The following WDR41 variants were observed in gnomAD, a reference collection of about 807,000 sequenced individuals.
The protein encoded by WDR41 is WD repeat-containing protein 41.
WDR41 carries 63 observed loss-of-function variants against 69.3 expected under a neutral mutation model. The observed-to-expected ratio is 0.91, with a 90% CI of 0.74 to 1.12. The LOEUF (loss-of-function observed/expected upper bound fraction) is 1.12. Ranked by LOEUF, WDR41 falls within the 50% of genes most tolerant of loss-of-function variation. WDR41 has a pLI of 0.00. For missense variants in WDR41, 543 were observed against 534.5 expected, an observed-to-expected ratio of 1.02 and a Z score of -0.16; for synonymous variants, 185 against 192.1, an observed-to-expected ratio of 0.96 and a Z score of 0.31.
At chr5:77,497,020 G>A (rs1316361926), upstream of WDR41, among the ~76,000 whole-genome samples, 1 of 152,092 alleles carries the variant, frequency 6.6e-6, no homozygotes, top group East Asian at 1.9e-4. Context: ...TCAACAATTG[G>A]TACTAGGAAA....
intron 1 of WDR41, among the ~76,000 whole-genome samples, chr5:77,519,196 C>T (rs904691585): frequency 6.6e-6 from 1 of 151,842 alleles, no homozygotes; most frequent in African/African-American, 2.4e-5. Flanking sequence ...TATTTATATT[C>T]AGTAAAATAA....
intron 1 of WDR41, among the ~76,000 whole-genome samples, chr5:77,515,240 GA>G (rs1233772812): frequency 2.0e-5 from 3 of 151,748 alleles, no homozygotes; most frequent in African/African-American, 7.3e-5. Flanking sequence ...TCTATTTTTA[GA>G]GTTTTCTATT....
intron 1 of WDR41, among the ~76,000 whole-genome samples, chr5:77,505,707 G>T (rs915071771): frequency 5.9e-5 from 9 of 152,208 alleles, no homozygotes; most frequent in African/African-American, 2.2e-4. Flanking sequence ...CAATGGAACA[G>T]AACAGAGACC....
At chr5:77,474,636 GTAT>G (rs1289164853) in intron 2 of WDR41, among the ~76,000 whole-genome samples, 1 of 152,158 alleles carries the variant, frequency 6.6e-6, no homozygotes, top group Non-Finnish European at 1.5e-5. Flanking sequence ...AAAAAAGAAT[GTAT>G]TATATTAACA....
chr5:77,451,355 T>A lies in WDR41; in HGVS notation c.524-2A>T. 6.2e-7 allele frequency: 1 copy of A among 1,612,082 alleles called. No homozygotes were observed. The highest frequency in any genetic ancestry group is 8.5e-7 in the Non-Finnish European group (1 of 1,179,130). ...GTATTTCAACCAAAGCACTAATACCTCCAAAAACATATAAAACAAAGTTCA... is the reference window on the plus strand; with the variant it reads ...GTATTTCAACCAAAGCACTAATACCACCAAAAACATATAAAACAAAGTTCA... On this transcript the variant is annotated splice_acceptor_variant, in intron 6 of 12. Coordinates refer to ENST00000296679, the MANE Select transcript of WDR41 (RefSeq NM_018268.4). LOFTEE classifies it high-confidence loss of function.
At chr5:77,532,761 T>C (rs983842959) in intron 1 of WDR41, among the ~76,000 whole-genome samples, 3 of 152,102 alleles carry the variant, frequency 2.0e-5, no homozygotes, top group Non-Finnish European at 4.4e-5. Flanking sequence ...AGTAAATATT[T>C]TAAAAATTAT....
intron 2 of WDR41, among the ~76,000 whole-genome samples, chr5:77,485,945 A>C (rs539862195): frequency 6.6e-6 from 1 of 152,298 alleles, no homozygotes; most frequent in South Asian, 2.1e-4. Flanking sequence ...ATAACAGCTG[A>C]CCAAAAAAAA....
intron 1 of WDR41, among the ~76,000 whole-genome samples, chr5:77,508,776 A>AGTTTTTTTGTTG (rs1554033924): frequency 6.6e-6 from 1 of 150,890 alleles, no homozygotes; most frequent in Non-Finnish European, 1.5e-5. Context: ...GCTTTGCTAA[A>AGTTTTTTTGTTG]CTATTTTAGT....
intron 1 of WDR41, chr5:77,583,189 TAAAA>T: frequency 1.5e-6 from 1 of 645,532 alleles, no homozygotes; most frequent in East Asian, 3.7e-5. Flanking sequence ...CAAATTGAAA[TAAAA>T]AAAAAAAGTG....
intron 1 of WDR41, among the ~76,000 whole-genome samples, chr5:77,516,461 T>C (rs1802292845): frequency 6.6e-6 from 1 of 152,216 alleles, no homozygotes; most frequent in Non-Finnish European, 1.5e-5. Flanking sequence ...CCGTTGAGAA[T>C]AGATTTAGCT....
At chr5:77,541,816 T>C (rs570315126) in intron 1 of WDR41, among the ~76,000 whole-genome samples, 21 of 152,168 alleles carry the variant, frequency 1.4e-4, no homozygotes, top group Non-Finnish European at 2.6e-4. Context: ...TTTTACACTG[T>C]TGGTGGAAGT....
At chr5:77,453,279 C>G (rs1345167690) in intron 6 of WDR41, among the ~76,000 whole-genome samples, 1 of 152,140 alleles carries the variant, frequency 6.6e-6, no homozygotes, top group African/African-American at 2.4e-5. Context: ...TTAAAATCTA[C>G]TCATTTAAAT....
chr5:77,518,088 C>T (rs1366542981), intron 1 of WDR41, among the ~76,000 whole-genome samples: 1 of 152,040 alleles, frequency 6.6e-6, no homozygotes, highest in Non-Finnish European at 1.5e-5. Flanking sequence ...TGAGGTGGCT[C>T]GGCTGGTGTG....
intron 1 of WDR41, among the ~76,000 whole-genome samples, chr5:77,514,987 G>T (rs1243982466): frequency 6.6e-6 from 1 of 152,122 alleles, no homozygotes; most frequent in East Asian, 1.9e-4. Context: ...GAATGTGAAG[G>T]CCTGGGACAT....
At chr5:77,554,938 C>T (rs936734302) in intron 1 of WDR41, among the ~76,000 whole-genome samples, 1 of 151,788 alleles carries the variant, frequency 6.6e-6, no homozygotes, top group African/African-American at 2.4e-5. Context: ...ACAAAATATA[C>T]AAAAATTAAC....
chr5:77,440,974 G>C lies in WDR41; in HGVS notation c.721C>G (p.His241Asp), dbSNP rs774442408. 6.2e-7 allele frequency: 1 copy of C among 1,613,284 alleles called. No individual in the cohort carries two copies. Among genetic ancestry groups the C allele is most frequent in the South Asian group, 1.1e-5 (1 of 90,744 alleles). The change falls in exon 9 of 13, where the codon CAC becomes GAC. Residue 241 changes from histidine to aspartate, a missense_variant. Coordinates refer to ENST00000296679, the MANE Select transcript of WDR41 (RefSeq NM_018268.4). The part of the protein sequence containing the change: ...VNDLSFVTGS[H>D]VGELIIWDAL... ...TCCCAGATGATCAGCTCTCCGACGT[G>C]GGAGCCGGTGACAAAACTCAAATCT... is the stretch of plus-strand genomic sequence containing the variant.
At chr5:77,570,389 T>C (rs574197554) in intron 1 of WDR41, among the ~76,000 whole-genome samples, 1 of 151,270 alleles carries the variant, frequency 6.6e-6, no homozygotes, top group Admixed American at 6.6e-5. Flanking sequence ...ATGGGAAGAA[T>C]TGCAGGAGTT....
intron 1 of WDR41, among the ~76,000 whole-genome samples, chr5:77,568,148 T>C (rs569443255): frequency 2.6e-5 from 4 of 152,250 alleles, no homozygotes; most frequent in South Asian, 2.1e-4. Flanking sequence ...AGATGTAGCC[T>C]TGAGGGCTGT....
intron 1 of WDR41, among the ~76,000 whole-genome samples, chr5:77,513,447 T>C (rs1440940379): frequency 6.6e-6 from 1 of 152,192 alleles, no homozygotes; most frequent in African/African-American, 2.4e-5. Flanking sequence ...TTCACAATAG[T>C]CTAGATACAT....
Sources: gnomAD v4.1 joint callset for allele counts (sites outside exome capture counted in the v4.1 genomes callset) on GRCh38, gnomAD v4.1.1 for gene constraint, MANE v1.5 for transcripts, NCBI Gene and HGNC (gene_info 2026-07-23, HGNC 2026-07-21) for gene names.